Variants in SVIL observed in about 807,000 individuals in gnomAD.
SVIL encodes supervillin, also known as archvillin.
Under a neutral mutation model 240.4 loss-of-function variants are expected in SVIL, and 101 were observed. That is an observed-to-expected ratio of 0.42 (90% CI 0.36 to 0.50). The LOEUF (loss-of-function observed/expected upper bound fraction) is 0.50, where lower values mean the gene tolerates loss of function less well. SVIL is among the 20% of genes least tolerant of loss of function. The pLI, the probability that SVIL is intolerant of heterozygous loss-of-function variation, is 0.01. For missense variants in SVIL, 2,512 were observed against 2,818.7 expected, an observed-to-expected ratio of 0.89 and a Z score of 2.46; for synonymous variants, 999 against 1,100.0, an observed-to-expected ratio of 0.91 and a Z score of 1.82.
intron 5 of SVIL, among the ~76,000 whole-genome samples, chr10:29,554,182 G>A (rs535585775): frequency 5.3e-5 from 8 of 152,160 alleles, no homozygotes; most frequent in South Asian, 4.1e-4. Flanking sequence ...ATGGTGGCAC[G>A]CGCTCATAGT....
intron 2 of SVIL, among the ~76,000 whole-genome samples, chr10:29,666,554 G>A (rs1007218): frequency 0.18 from 27,413 of 152,104 alleles, 2,653 homozygotes; most frequent in South Asian, 0.34. Context: ...GTACACTTAC[G>A]CCAAGGTCTC....
chr10:29,540,821 T>C (rs1056338921), intron 6 of SVIL, among the ~76,000 whole-genome samples: 4 of 152,202 alleles, frequency 2.6e-5, no homozygotes, highest in Non-Finnish European at 4.4e-5. Flanking sequence ...AGAACCTAAC[T>C]ACCTTCTTCC....
chr10:29,708,895 AC>A (rs747470755), intron 1 of SVIL, among the ~76,000 whole-genome samples: 5 of 152,126 alleles, frequency 3.3e-5, no homozygotes, highest in African/African-American at 4.8e-5. Flanking sequence ...AAAAAATCAA[AC>A]AAAAAACCTG....
At chr10:29,731,790 CCTGT>C (rs1393478749) in intron 1 of SVIL, among the ~76,000 whole-genome samples, 3 of 152,184 alleles carry the variant, frequency 2.0e-5, no homozygotes, top group African/African-American at 7.2e-5. Flanking sequence ...AACAAAGGCG[CCTGT>C]CTTTTTACCT....
Position 29,523,999 on chromosome 10 carries a change from G to A in SVIL, c.2615C>T (p.Ser872Leu), listed in dbSNP as rs138059068. The A allele has an allele frequency of 8.9e-5, 144 of 1,613,346 alleles. No individual in the cohort carries two copies. The African/African-American group carries it at 1.7e-3, about 19-fold the overall frequency. Residue 872 changes from serine (S) to leucine (L), a missense_variant, in exon 15 of 38, where the codon TCA becomes TTA. Ser to Leu is a moderately radical substitution (Grantham distance 145, BLOSUM62 -2). Transcript: ENST00000355867. ...AGACACTGATGTGTTCACGGCAGGTGAGAAAGGAATGAGCTTTCCACTCTG... is the reference window on the plus strand; with the variant it reads ...AGACACTGATGTGTTCACGGCAGGTAAGAAAGGAATGAGCTTTCCACTCTG... Reference protein sequence around the residue: ...QVQSGKLIPFSPAVNTSVSTV... With the variant: ...QVQSGKLIPFLPAVNTSVSTV...
intron 1 of SVIL, among the ~76,000 whole-genome samples, chr10:29,723,993 T>C (rs1456756454): frequency 6.6e-6 from 1 of 152,116 alleles, no homozygotes; most frequent in South Asian, 2.1e-4. Flanking sequence ...GGAGAAGACA[T>C]TGTGTTTAGA....
At chr10:29,571,758 C>A (rs1157632062) in intron 1 of SVIL, among the ~76,000 whole-genome samples, 1 of 152,196 alleles carries the variant, frequency 6.6e-6, no homozygotes, top group Admixed American at 6.5e-5. Flanking sequence ...TAATTACAGA[C>A]TGATTGTACA....
intron 30 of SVIL, among the ~76,000 whole-genome samples, chr10:29,471,817 T>C (rs191586343): frequency 1.3e-5 from 2 of 152,378 alleles, no homozygotes; most frequent in Non-Finnish European, 2.9e-5. Context: ...AGAGGAAATG[T>C]TTCCTGGAGC....
intron 1 of SVIL, among the ~76,000 whole-genome samples, chr10:29,591,625 C>T (rs1169492108): frequency 6.6e-6 from 1 of 152,224 alleles, no homozygotes; most frequent in Non-Finnish European, 1.5e-5. Context: ...CTTCCAGATT[C>T]TCCTCCCCTG....
chr10:29,576,928 T>G (rs933816656), intron 1 of SVIL, among the ~76,000 whole-genome samples: 2 of 152,234 alleles, frequency 1.3e-5, no homozygotes, highest in African/African-American at 4.8e-5. Flanking sequence ...GTCACCAGGC[T>G]GGAATGCAGT....
chr10:29,553,901 A>G (rs756049144), intron 5 of SVIL, among the ~76,000 whole-genome samples: 1 of 152,206 alleles, frequency 6.6e-6, no homozygotes, highest in Non-Finnish European at 1.5e-5. Flanking sequence ...CTCCCTGCTG[A>G]GAGCAGCCGC....
chr10:29,647,892 T>C (rs1458701166), intron 3 of SVIL, among the ~76,000 whole-genome samples: 1 of 151,832 alleles, frequency 6.6e-6, no homozygotes, highest in East Asian at 1.9e-4. Context: ...GAAAGTAGTT[T>C]TAAAACCCCC....
Position 29,523,578 on chromosome 10 carries a change from C to T in SVIL, c.3036G>A (p.Gly1012=). The T allele has an allele frequency of 1.1e-5, 18 of 1,614,130 alleles. No homozygotes were observed. The highest frequency in any genetic ancestry group is 1.5e-5 in the Non-Finnish European group (18 of 1,180,020). The change falls in exon 15 of 38, where the codon GGG becomes GGA. Residue 1012 remains glycine, a synonymous_variant. Coordinates refer to ENST00000355867, the MANE Select transcript of SVIL (RefSeq NM_021738.3). The part of the protein sequence containing the change: ...ERANPPITHL[G]DEPKEFSMAK... ...CCATGGAAAATTCCTTCGGTTCATC[C>T]CCGAGGTGGGTGATGGGAGGGTTCG...
At position 29,703,164 on chromosome 10, in the gene SVIL, T is replaced by C. The variant is rs368625517; in HGVS notation, c.-399-16513A>G. ...AAAAGCAAAAACAAAATTCTAACCT[T>C]GAAACAGATGCAGGATTATTCCTCC... On this transcript the variant is annotated intron_variant, in intron 1 of 35. Transcript: ENST00000375400. Among the ~76,000 whole-genome samples the C allele has an allele frequency of 2.6e-5, 4 of 152,320 alleles. No homozygotes were observed. The East Asian group carries it at 5.8e-4, about 22-fold the overall frequency.
In SVIL at chr10:29,518,255, G is replaced by A. The variant is rs373255255; in HGVS notation, c.3389+4155C>T. Among the ~76,000 whole-genome samples, 12 of 152,310 alleles carry A rather than the reference G, an allele frequency of 7.9e-5. No individual in the cohort carries two copies. In the East Asian group the frequency reaches 1.2e-3, roughly 15 times the overall value. ...ATACAAAAATTAGCCAGGCATGGTA[G>A]TAAGTGCTTGTAATTCCAGCTACTT... On this transcript the variant is annotated intron_variant, in intron 16 of 37. Transcript: ENST00000355867.
chr10:29,510,671 G>A (rs1462669843), intron 17 of SVIL, among the ~76,000 whole-genome samples: 1 of 151,982 alleles, frequency 6.6e-6, no homozygotes, highest in African/African-American at 2.4e-5. Context: ...TGCAGCAAGC[G>A]CCCCTGTTCA....
intron 21 of SVIL, among the ~76,000 whole-genome samples, chr10:29,492,144 T>C (rs968424697): frequency 6.6e-6 from 1 of 152,112 alleles, no homozygotes; most frequent in Admixed American, 6.6e-5. Flanking sequence ...ACCACCTCAC[T>C]GCACCCCCAT....
chr10:29,570,009 A>C (rs1188864695), intron 1 of SVIL, among the ~76,000 whole-genome samples: 1 of 152,250 alleles, frequency 6.6e-6, no homozygotes, highest in Non-Finnish European at 1.5e-5. Context: ...GCATTTGTCC[A>C]CTAAGAAAAC....
intron 1 of SVIL, among the ~76,000 whole-genome samples, chr10:29,719,433 A>G (rs12776837): frequency 0.013 from 1,927 of 152,274 alleles, 24 homozygotes; most frequent in Non-Finnish European, 0.02. Flanking sequence ...GCTCAACAAT[A>G]TTTCCATCCC....
Sources: allele counts gnomAD v4.1 joint callset (sites outside exome capture counted in the v4.1 genomes callset), GRCh38; gene constraint gnomAD v4.1.1; transcripts MANE v1.5; gene names NCBI Gene and HGNC (gene_info 2026-07-23, HGNC 2026-07-21).